The following SHMT1 variants were observed in gnomAD, a reference collection of about 807,000 sequenced individuals.
The protein encoded by SHMT1 is serine hydroxymethyltransferase 1, also known as serine hydroxymethyltransferase, cytosolic.
A neutral mutation model predicts 49.0 loss-of-function variants in SHMT1; 45 were observed. The observed-to-expected ratio is 0.92, with a 90% CI of 0.72 to 1.18. SHMT1 has a LOEUF of 1.18. Among genes scored for constraint, SHMT1 ranks in the 50% most tolerant of loss-of-function variants. The pLI, the probability that SHMT1 is intolerant of heterozygous loss-of-function variation, is 0.00. For synonymous variants in SHMT1, 232 were observed against 246.6 expected (o/e 0.94, Z 0.55); for missense variants, 541 against 612.4 (o/e 0.88, Z 1.23).
intron 3 of SHMT1, among the ~76,000 whole-genome samples, chr17:18,352,428 G>A (rs545262881): frequency 6.6e-6 from 1 of 152,188 alleles, no homozygotes; most frequent in African/African-American, 2.4e-5. Context: ...TTACAGGCGT[G>A]AGCCACCGCG....
intron 1 of SHMT1, among the ~76,000 whole-genome samples, chr17:18,360,200 G>A (rs1158504101): frequency 6.6e-6 from 1 of 152,026 alleles, no homozygotes; most frequent in Non-Finnish European, 1.5e-5. Flanking sequence ...AGTGAGCCGA[G>A]ATCATACCAT....
chr17:18,361,647 C>A (rs1403699862), intron 1 of SHMT1, among the ~76,000 whole-genome samples: 1 of 150,962 alleles, frequency 6.6e-6, no homozygotes, highest in African/African-American at 2.4e-5. Flanking sequence ...ATTAGCTGGG[C>A]GTGGTGGCGG....
At chr17:18,334,359 G>C (rs1182905748) in intron 8 of SHMT1, among the ~76,000 whole-genome samples, 1 of 152,198 alleles carries the variant, frequency 6.6e-6, no homozygotes, top group Admixed American at 6.5e-5. Flanking sequence ...AAAGTGCTGG[G>C]ATTATAGGCA....
chr17:18,334,721 G>A lies in SHMT1; in HGVS notation c.931+838C>T, dbSNP rs565081818. ...AGGAGAACCCACGGGCCTGCATCCC[G>A]CACAGAGCCTCCAATCAATACTTGT... On this transcript the variant is annotated intron_variant, in intron 8 of 11. Coordinates refer to ENST00000316694, the MANE Select transcript of SHMT1 (RefSeq NM_004169.5). Among the ~76,000 whole-genome samples, 6 of 152,264 alleles carry A rather than the reference G, an allele frequency of 3.9e-5. No individual in the cohort carries two copies. In the Middle Eastern group the frequency reaches 0.01, roughly 259 times the overall value.
chr17:18,355,813 T>C (rs911608302), intron 2 of SHMT1, 73 bp downstream of exon 2: 20 of 930,760 alleles, frequency 2.1e-5, no homozygotes, highest in Non-Finnish European at 3.2e-5. Flanking sequence ...CCCTAATTAA[T>C]TTGTAATTAG....
intron 10 of SHMT1, 24 bp downstream of exon 10, chr17:18,330,530 AG>A (rs751471050): frequency 1.0e-4 from 154 of 1,470,998 alleles, no homozygotes; most frequent in Admixed American, 5.0e-5. Context: ...AGAGGAGTGA[AG>A]GAGAAGGCAA....
Position 18,351,755 on chromosome 17 carries a change from A to G in SHMT1, c.242+1917T>C, listed in dbSNP as rs143368931. Reference sequence around the variant, plus strand: ...TGCCACTGCACTCCAGCCTCGTGACAGAGCGATACTCCGTGTAAAAAAAAA... The same window carrying G: ...TGCCACTGCACTCCAGCCTCGTGACGGAGCGATACTCCGTGTAAAAAAAAA... On this transcript the variant is annotated intron_variant, in intron 3 of 11. Transcript: ENST00000316694. 1.7e-3 allele frequency among the ~76,000 whole-genome samples: 260 copies of G among 152,024 alleles called. 1 individual carries two copies. Among genetic ancestry groups the G allele is most frequent in the African/African-American group, 6.0e-3 (249 of 41,508 alleles).
chr17:18,354,537 A>G (rs530709911), intron 2 of SHMT1, among the ~76,000 whole-genome samples: 1 of 152,334 alleles, frequency 6.6e-6, no homozygotes, highest in African/African-American at 2.4e-5. Context: ...TGGAGGATTC[A>G]GTGAGCCGAG....
At chr17:18,337,103 G>GCCAAGAAC (rs1983877104) in intron 7 of SHMT1, among the ~76,000 whole-genome samples, 1 of 152,124 alleles carries the variant, frequency 6.6e-6, no homozygotes, top group Non-Finnish European at 1.5e-5. Context: ...CTTCTAGTGA[G>GCCAAGAAC]CCAAGAACTG....
Position 18,340,498 on chromosome 17 carries a change from C to A in SHMT1, c.601+234G>T, listed in dbSNP as rs1423705778. 9.0e-6 allele frequency: 6 copies of A among 669,806 alleles called. No individual in the cohort carries two copies. Among genetic ancestry groups the A allele is most frequent in the Non-Finnish European group, 1.6e-5 (6 of 375,532 alleles). The allele number at this position is 669,806 out of a possible 1,614,324, so 41.5% of individuals were successfully genotyped here. ...TATTGCCAGCGCAGTCAGGGCCTGA[C>A]ATTTCTAGATGCTTCTCTGAGAACA... On this transcript the variant is annotated intron_variant, in intron 6 of 11. Transcript: ENST00000316694. This position sits in a 1 kb window ranked among gnomAD's most constrained non-coding sequence, Gnocchi z 4.5.
intron 3 of SHMT1, among the ~76,000 whole-genome samples, chr17:18,352,863 A>G (rs1168710332): frequency 6.6e-6 from 1 of 152,006 alleles, no homozygotes; most frequent in African/African-American, 2.4e-5. Context: ...TTAACAAAAT[A>G]CCTTAGCCTG....
intron 3 of SHMT1, among the ~76,000 whole-genome samples, chr17:18,353,146 C>A (rs889456451): frequency 2.2e-4 from 34 of 152,008 alleles, no homozygotes; most frequent in African/African-American, 8.0e-4. Flanking sequence ...AATTTATTTT[C>A]TTTGCCTGAT....
chr17:18,342,693 T>C (rs1380660497), intron 5 of SHMT1, among the ~76,000 whole-genome samples: 1 of 148,190 alleles, frequency 6.7e-6, no homozygotes, highest in East Asian at 2.2e-4. Flanking sequence ...TCCAGCACTT[T>C]GGGAGGCCGA....
At chr17:18,334,445 T>C (rs1355021496) in intron 8 of SHMT1, among the ~76,000 whole-genome samples, 1 of 152,216 alleles carries the variant, frequency 6.6e-6, no homozygotes, top group Non-Finnish European at 1.5e-5. Flanking sequence ...AGCATGGAAG[T>C]TCTGTGCTAA....
chr17:18,345,525 G>C (rs1373035063), intron 5 of SHMT1, among the ~76,000 whole-genome samples: 1 of 151,976 alleles, frequency 6.6e-6, no homozygotes. Flanking sequence ...CCAAAGTGCT[G>C]GGATTACAGG....
Position 18,348,222 on chromosome 17 carries a change from T to C in SHMT1, c.358+103A>G, listed in dbSNP as rs1434662046. The C allele has an allele frequency of 3.6e-6, 3 of 822,184 alleles. No homozygotes were observed. The African/African-American group carries it at 5.1e-5, about 14-fold the overall frequency. The allele number at this position is 822,184 out of a possible 1,614,324, so 50.9% of individuals were successfully genotyped here. A position where few individuals can be genotyped will look rare whatever the true frequency, so the allele number is the denominator to read the frequency against. The stretch of plus-strand genomic sequence containing the variant: ...GGCGTGAGCCACTGGGCCCGGCCTA[T>C]GGCAGTCCATGGCAGTCCATCTTAG... On this transcript the variant is annotated intron_variant, in intron 4 of 11. Transcript: ENST00000316694.
chr17:18,332,980 G>T, intron 9 of SHMT1, 186 bp downstream of exon 9: 1 of 715,032 alleles, frequency 1.4e-6, no homozygotes, highest in South Asian at 1.5e-5. Flanking sequence ...ACCCAAGGGG[G>T]CGGCTGGCTG....
intron 3 of SHMT1, 172 bp from the exon 4 acceptor site, chr17:18,348,612 G>C (rs754662447): frequency 1.4e-6 from 1 of 723,120 alleles, no homozygotes. Context: ...TTCCACCAAT[G>C]CCTCTGGAAT....
At chr17:18,336,325 T>C (rs1325388992) in intron 7 of SHMT1, among the ~76,000 whole-genome samples, 1 of 151,344 alleles carries the variant, frequency 6.6e-6, no homozygotes, top group African/African-American at 2.4e-5. Context: ...TCCACTAACA[T>C]TGTAACCAAG....
Sources: gnomAD v4.1 joint callset for allele counts (sites outside exome capture counted in the v4.1 genomes callset) on GRCh38, gnomAD v4.1.1 for gene constraint, Gnocchi (gnomAD v3.1) non-coding constraint, MANE v1.5 for transcripts, NCBI Gene and HGNC (gene_info 2026-07-23, HGNC 2026-07-21) for gene names.